The following FLNB variants were observed in gnomAD, a reference collection of about 807,000 sequenced individuals.
The protein encoded by FLNB is filamin B.
A neutral mutation model predicts 250.6 loss-of-function variants in FLNB; 111 were observed. The ratio of observed to expected loss-of-function variants is 0.44; its 90% CI spans 0.38 to 0.52. FLNB has a LOEUF of 0.52. Ranked by LOEUF, FLNB falls within the 20% of genes least tolerant of loss-of-function variation. The pLI, the probability that FLNB is intolerant of heterozygous loss-of-function variation, is 0.00. For synonymous variants in FLNB, 1,302 were observed against 1,372.1 expected (o/e 0.95, Z 1.13); for missense variants, 2,869 against 3,447.8 (o/e 0.83, Z 4.20).
intron 29 of FLNB, 86 bp from the exon 30 acceptor site, chr3:58,141,772 G>A: frequency 8.0e-7 from 1 of 1,255,506 alleles, no homozygotes; most frequent in Non-Finnish European, 1.2e-6. Context: ...AGATGGAGCA[G>A]TGGGGGAAGC....
rs1210000718 is a variant in FLNB, at chr3:58,169,821, G to C, written c.7621+28G>C. ...AGGTGTCTGGGCCTTTTCAAGGGTG[G>C]GGTGGGGCAGGGGCAGGCTGGGCAC... On this transcript the variant is annotated intron_variant, in intron 45 of 45. Coordinates refer to ENST00000295956, the MANE Select transcript of FLNB (RefSeq NM_001457.4). This position sits in a 1 kb window ranked among gnomAD's most constrained non-coding sequence, Gnocchi z 4.8. 5 of 1,455,044 alleles carry C rather than the reference G, an allele frequency of 3.4e-6. No homozygotes were observed. Among genetic ancestry groups the C allele is most frequent in the Non-Finnish European group, 3.8e-6 (4 of 1,041,894 alleles). 90.1% of individuals were successfully genotyped at this position (1,455,044 alleles called of 1,614,324 possible).
chr3:58,018,076 T>C (rs1433877857), intron 1 of FLNB, among the ~76,000 whole-genome samples: 3 of 152,190 alleles, frequency 2.0e-5, no homozygotes, highest in African/African-American at 4.8e-5. Context: ...GTGTGCACTG[T>C]TGAGGATATT....
intron 1 of FLNB, among the ~76,000 whole-genome samples, chr3:58,067,277 G>C (rs1339466794): frequency 6.6e-6 from 1 of 151,710 alleles, no homozygotes. Flanking sequence ...CTGATCTACT[G>C]TATCATCTCT....
intron 1 of FLNB, among the ~76,000 whole-genome samples, chr3:58,066,390 T>G (rs1658388): frequency 0.24 from 36,459 of 151,780 alleles, 6,517 homozygotes; most frequent in East Asian, 0.62. Context: ...TGACCAATTT[T>G]TGTATTTTTA....
At chr3:58,073,845 A>AG (rs1436782178) in intron 1 of FLNB, among the ~76,000 whole-genome samples, 9 of 152,282 alleles carry the variant, frequency 5.9e-5, no homozygotes, top group Non-Finnish European at 1.0e-4. Flanking sequence ...GCTTTTTACT[A>AG]GCTGTTGCTT....
intron 1 of FLNB, among the ~76,000 whole-genome samples, chr3:58,069,068 A>G (rs1453468832): frequency 6.6e-6 from 1 of 151,224 alleles, no homozygotes; most frequent in Non-Finnish European, 1.5e-5. Context: ...GCTTGAGCCC[A>G]GGAGGCGGAT....
intron 41 of FLNB, 83 bp downstream of exon 41, chr3:58,156,158 C>T (rs568523444): frequency 1.1e-5 from 11 of 1,033,234 alleles, no homozygotes; most frequent in Admixed American, 1.8e-5. Context: ...TCAATGTCCC[C>T]TTAGGTGCTG....
chr3:58,017,495 C>T (rs914518437), intron 1 of FLNB, among the ~76,000 whole-genome samples: 6 of 152,100 alleles, frequency 3.9e-5, no homozygotes, highest in African/African-American at 4.8e-5. Context: ...TCAGGTGATC[C>T]GCCCGCTTTG....
chr3:58,039,222 A>G lies in FLNB; in HGVS notation c.292+30366A>G, dbSNP rs1456210245. Among the ~76,000 whole-genome samples the G allele has an allele frequency of 7.3e-5, 11 of 151,286 alleles. No individual in the cohort carries two copies. The East Asian group carries it at 9.7e-4, about 13-fold the overall frequency. On this transcript the variant is annotated intron_variant, in intron 1 of 45. Coordinates refer to ENST00000295956, the MANE Select transcript of FLNB (RefSeq NM_001457.4). ...AAAAAAAAAAAAAAAGAAGAATTGC[A>G]TAAGTATCATCAGAACTGTTGAATG... is the stretch of plus-strand genomic sequence containing the variant.
intron 42 of FLNB, chr3:58,162,719 G>A (rs568621500): frequency 3.4e-4 from 79 of 233,356 alleles, no homozygotes; most frequent in Non-Finnish European, 6.0e-4. Flanking sequence ...AAGCCGCTGC[G>A]GAGCCTTAAG....
At chr3:58,104,596 T>C (rs921037768) in intron 10 of FLNB, among the ~76,000 whole-genome samples, 6 of 152,336 alleles carry the variant, frequency 3.9e-5, no homozygotes, top group Admixed American at 3.3e-4. Context: ...ATAAATTCAG[T>C]TAGCCTTGAG....
chr3:58,052,642 A>G (rs1473642667), intron 1 of FLNB, among the ~76,000 whole-genome samples: 2 of 152,198 alleles, frequency 1.3e-5, no homozygotes, highest in Non-Finnish European at 2.9e-5. Flanking sequence ...TGTGGATGGC[A>G]GGTTGTCATC....
Position 58,170,740 on chromosome 3 carries a change from C to A in FLNB, c.7787C>A (p.Pro2596His), listed in dbSNP as rs1400741408. 2 of 1,614,026 alleles carry A rather than the reference C, an allele frequency of 1.2e-6. No individual in the cohort carries two copies. The highest frequency in any genetic ancestry group is 1.7e-6 in the Non-Finnish European group (2 of 1,180,032). ...KWGEEHIPGS[P>H]FHVTVP Reference sequence around the variant, plus strand: ...GGGGAGGAACACATCCCTGGCAGCCCTTTTCATGTCACAGTGCCTTAAAAC... The same window carrying A: ...GGGGAGGAACACATCCCTGGCAGCCATTTTCATGTCACAGTGCCTTAAAAC... Residue 2596 changes from proline (P) to histidine (H), a missense_variant, in exon 46 of 46, where the codon CCT becomes CAT. By Grantham distance (77) the Pro-to-His change is moderately conservative. Coordinates refer to ENST00000295956, the MANE Select transcript of FLNB (RefSeq NM_001457.4).
At chr3:58,030,587 G>A (rs6780437) in intron 1 of FLNB, among the ~76,000 whole-genome samples, 84,677 of 151,896 alleles carry the variant, frequency 0.56, 24,853 homozygotes, top group South Asian at 0.76. Flanking sequence ...CAGGAATCTA[G>A]GAGGGGCCGG....
At position 58,047,047 on chromosome 3, in the gene FLNB, G is replaced by C. The variant is rs558869421; in HGVS notation, c.293-29999G>C. Among the ~76,000 whole-genome samples, 3 of 152,194 alleles carry C rather than the reference G, an allele frequency of 2.0e-5. No homozygotes were observed. The East Asian group carries it at 5.8e-4, about 29-fold the overall frequency. ...AAGTTTTCAGATTTATTTTTACTTT[G>C]CCTGGTGTGTTTTTTCCTGGAAAGC... On this transcript the variant is annotated intron_variant, in intron 1 of 45. Transcript: ENST00000295956.
intron 1 of FLNB, among the ~76,000 whole-genome samples, chr3:58,065,438 T>C (rs1280051266): frequency 6.6e-6 from 1 of 152,186 alleles, no homozygotes; most frequent in Non-Finnish European, 1.5e-5. Flanking sequence ...GAGAAGTGAG[T>C]TTCCATCTAG....
At chr3:58,112,693 C>T (rs2097271084) in intron 18 of FLNB, among the ~76,000 whole-genome samples, 1 of 152,236 alleles carries the variant, frequency 6.6e-6, no homozygotes, top group East Asian at 1.9e-4. Context: ...TCCCTCGCGG[C>T]CTCACCAGCT....
chr3:58,157,838 T>C (rs1316275423), intron 41 of FLNB, among the ~76,000 whole-genome samples: 1 of 152,242 alleles, frequency 6.6e-6, no homozygotes, highest in Non-Finnish European at 1.5e-5. Flanking sequence ...AGTGCTCTCG[T>C]CATAGCTGGG....
chr3:58,156,128 C>T (rs1402755495), intron 41 of FLNB, 53 bp downstream of exon 41: 1 of 1,351,732 alleles, frequency 7.4e-7, no homozygotes, highest in African/African-American at 1.4e-5. Context: ...CAGTGAGACC[C>T]CTGGACTCCT....
Sources: gnomAD v4.1 joint callset for allele counts (sites outside exome capture counted in the v4.1 genomes callset) on GRCh38, gnomAD v4.1.1 for gene constraint, Gnocchi (gnomAD v3.1) non-coding constraint, MANE v1.5 for transcripts, NCBI Gene and HGNC (gene_info 2026-07-23, HGNC 2026-07-21) for gene names.